CD46: variants seen among roughly 807,000 people sequenced by gnomAD.
CD46 encodes CD46 molecule, also known as membrane cofactor protein.
A neutral mutation model predicts 53.3 loss-of-function variants in CD46; 30 were observed. The observed-to-expected ratio is 0.56, with a 90% CI of 0.42 to 0.76. The LOEUF (loss-of-function observed/expected upper bound fraction) is 0.76. CD46 is among the 30% of genes least tolerant of loss of function. The pLI is 0.00. For missense variants in CD46, 409 were observed against 463.0 expected (o/e 0.88, Z 1.07); for synonymous variants, 142 against 152.0 (o/e 0.93, Z 0.48).
At chr1:207,753,583 T>G (rs1406780195) in intron 1 of CD46, among the ~76,000 whole-genome samples, 1 of 152,036 alleles carries the variant, frequency 6.6e-6, no homozygotes, top group Non-Finnish European at 1.5e-5. Flanking sequence ...AGGTAGGAGA[T>G]TCACTTGAGC....
chr1:207,783,974 G>A (rs1659037178), intron 9 of CD46, among the ~76,000 whole-genome samples: 1 of 152,146 alleles, frequency 6.6e-6, no homozygotes, highest in South Asian at 2.1e-4. Flanking sequence ...CAGTTTAGAA[G>A]CAAAGGTACT....
intron 9 of CD46, among the ~76,000 whole-genome samples, chr1:207,784,074 A>G (rs1240335395): frequency 6.6e-6 from 1 of 152,120 alleles, no homozygotes; most frequent in Non-Finnish European, 1.5e-5. Flanking sequence ...ATTTCTCTGT[A>G]TATTTTTTAT....
chr1:207,790,595 G>A (rs768542026), intron 12 of CD46, among the ~76,000 whole-genome samples: 7 of 152,120 alleles, frequency 4.6e-5, no homozygotes, highest in Admixed American at 1.3e-4. Context: ...TTTATCAGAC[G>A]ATCTCACTTC....
At chr1:207,767,688 T>C (rs1327173157) in intron 6 of CD46, 91 bp from the exon 7 acceptor site, 1 of 1,599,740 alleles carries the variant, frequency 6.3e-7, no homozygotes, top group Non-Finnish European at 8.6e-7. Flanking sequence ...TTCTTCCTTA[T>C]ATGTTACAAG....
At chr1:207,768,846 A>G (rs1476246936) in intron 7 of CD46, 1 of 152,240 alleles carries the variant, frequency 6.6e-6, no homozygotes, top group Non-Finnish European at 1.5e-5. Flanking sequence ...TCCCTTTAGT[A>G]TAATGTGAGT....
Position 207,793,606 on chromosome 1 carries a change from CT to C in CD46, c.*130del. ...AGAGAGGCTGAATAGATTCCACAACCTGGTTTGCCAGTTCATCTTTTGACTC... is the reference window on the plus strand; with the variant it reads ...AGAGAGGCTGAATAGATTCCACAACCGGTTTGCCAGTTCATCTTTTGACTC... On this transcript the variant is annotated 3_prime_UTR_variant, in exon 13 of 13. Coordinates refer to ENST00000367042, the MANE Select transcript of CD46 (RefSeq NM_172351.3). The C allele has an allele frequency of 6.2e-7, 1 of 1,609,720 alleles. No individual in the cohort carries two copies. Among genetic ancestry groups the C allele is most frequent in the Non-Finnish European group, 8.5e-7 (1 of 1,176,020 alleles).
chr1:207,787,217 T>C (rs1311798719), intron 11 of CD46, among the ~76,000 whole-genome samples: 1 of 152,072 alleles, frequency 6.6e-6, no homozygotes, highest in Admixed American at 6.6e-5. Context: ...ATTACAGTCG[T>C]GCACCACCAC....
At chr1:207,784,740 TGGAG>T (rs1261491603) in intron 9 of CD46, among the ~76,000 whole-genome samples, 2 of 152,118 alleles carry the variant, frequency 1.3e-5, no homozygotes, top group African/African-American at 2.4e-5. Flanking sequence ...CTTATAATCA[TGGAG>T]GAAGGGGAAG....
intron 7 of CD46, chr1:207,769,239 CAG>C (rs1257356158): frequency 1.3e-5 from 2 of 152,386 alleles, no homozygotes; most frequent in African/African-American, 4.8e-5. Context: ...GCCTGGGTGA[CAG>C]AGTGAGACTC....
chr1:207,766,582 C>T (rs1423949961), intron 5 of CD46, among the ~76,000 whole-genome samples: 1 of 152,006 alleles, frequency 6.6e-6, no homozygotes, highest in African/African-American at 2.4e-5. Context: ...ACCTCAGATC[C>T]AGGAGATTCA....
chr1:207,771,488 T>C (rs1170962552), intron 8 of CD46, among the ~76,000 whole-genome samples: 1 of 152,224 alleles, frequency 6.6e-6, no homozygotes, highest in African/African-American at 2.4e-5. Flanking sequence ...ATGTCCTGAA[T>C]GGTATTGCCT....
In CD46 at chr1:207,767,076, T is replaced by G. The variant is rs909675840; in HGVS notation, c.737T>G (p.Phe246Cys). Residue 246 changes from phenylalanine (F) to cysteine (C), a missense_variant, in exon 6 of 13, where the codon TTT becomes TGT. By Grantham distance (205) the Phe-to-Cys change is radical. Transcript: ENST00000367042. ...CAGATATCAGGATTTGGAAAAAAAT[T>G]TTACTACAAAGCAACAGTTATGTTT... The part of the protein sequence containing the change: ...GKQISGFGKK[F>C]YYKATVMFEC... 2 of 1,613,722 alleles carry G rather than the reference T, an allele frequency of 1.2e-6. No individual in the cohort carries two copies. Among genetic ancestry groups the G allele is most frequent in the Non-Finnish European group, 1.7e-6 (2 of 1,179,752 alleles).
chr1:207,781,403 A>G (rs1287573677), intron 8 of CD46, among the ~76,000 whole-genome samples: 6 of 152,092 alleles, frequency 3.9e-5, no homozygotes, highest in Non-Finnish European at 8.8e-5. Context: ...CACTCTGTTG[A>G]TAGTGTCATT....
At chr1:207,788,347 T>C (rs1373994793) in intron 11 of CD46, among the ~76,000 whole-genome samples, 33 of 143,046 alleles carry the variant, frequency 2.3e-4, no homozygotes, top group African/African-American at 8.2e-4. Context: ...AAACCCCGTC[T>C]CTACTAAAAA....
At chr1:207,776,337 C>T (rs2724380) in intron 8 of CD46, among the ~76,000 whole-genome samples, 93,019 of 152,056 alleles carry the variant, frequency 0.61, 28,827 homozygotes, top group East Asian at 0.91. Context: ...CCGGGTGAGG[C>T]GATGCCCCGC....
chr1:207,789,900 C>T (rs1281431532), intron 11 of CD46, among the ~76,000 whole-genome samples: 1 of 110,368 alleles, frequency 9.1e-6, no homozygotes, highest in Non-Finnish European at 1.9e-5. Context: ...AAAAAAAAAT[C>T]AAGAGTGCTA....
chr1:207,753,621 T>C (rs1655167579), intron 1 of CD46, among the ~76,000 whole-genome samples: 1 of 151,932 alleles, frequency 6.6e-6, no homozygotes, highest in Non-Finnish European at 1.5e-5. Context: ...CAGTGAGCTG[T>C]GATCATGCCA....
rs1350641649 is a variant in CD46 at position 207,790,440 on chromosome 1, G to A, written c.*41+95G>A. On this transcript the variant is annotated intron_variant, in intron 12 of 12. Coordinates refer to ENST00000367042, the MANE Select transcript of CD46 (RefSeq NM_172351.3). The stretch of plus-strand genomic sequence containing the variant: ...TCAATAACCTGAGCAAAGAGATATT[G>A]GCAGTAAATATCAAAGAGGAAATTT... 3 of 684,576 alleles carry A rather than the reference G, an allele frequency of 4.4e-6. No individual in the cohort carries two copies. The East Asian group carries it at 8.1e-5, about 19-fold the overall frequency. 42.4% of individuals were successfully genotyped at this position (684,576 alleles called of 1,614,324 possible).
At chr1:207,771,297 C>A (rs1045935626) in intron 8 of CD46, among the ~76,000 whole-genome samples, 1 of 152,094 alleles carries the variant, frequency 6.6e-6, no homozygotes. Flanking sequence ...TGGATATTAG[C>A]CCTTTGTCAG....
Sources: allele counts gnomAD v4.1 joint callset (sites outside exome capture counted in the v4.1 genomes callset), GRCh38; gene constraint gnomAD v4.1.1; transcripts MANE v1.5; gene names NCBI Gene and HGNC (gene_info 2026-07-23, HGNC 2026-07-21).